Variants in SETBP1 observed in about 807,000 individuals in gnomAD.
SETBP1 encodes SET binding protein 1, also known as SET-binding protein.
A neutral mutation model predicts 101.0 loss-of-function variants in SETBP1; 9 were observed. The ratio of observed to expected loss-of-function variants is 0.09; its 90% CI spans 0.05 to 0.16. SETBP1 has a LOEUF of 0.16. Ranked by LOEUF, SETBP1 falls within the 10% of genes least tolerant of loss-of-function variation. The pLI is 1.00. For synonymous variants in SETBP1, 818 were observed against 788.5 expected, an observed-to-expected ratio of 1.04 and a Z score of -0.63; for missense variants, 1,858 against 2,033.8, an observed-to-expected ratio of 0.91 and a Z score of 1.66.
At chr18:44,761,886 G>A (rs1158135581) in intron 2 of SETBP1, among the ~76,000 whole-genome samples, 2 of 152,126 alleles carry the variant, frequency 1.3e-5, no homozygotes, top group Non-Finnish European at 2.9e-5. Context: ...GTTTTTTGAT[G>A]TCCGAGCCAG....
intron 2 of SETBP1, among the ~76,000 whole-genome samples, chr18:44,725,113 C>T (rs1381229426): frequency 6.6e-6 from 1 of 152,124 alleles, no homozygotes; most frequent in Non-Finnish European, 1.5e-5. Context: ...GAGTTACCAT[C>T]AGATAAATGT....
chr18:44,958,492 T>C (rs2071541151), intron 4 of SETBP1, among the ~76,000 whole-genome samples: 1 of 152,168 alleles, frequency 6.6e-6, no homozygotes, highest in Non-Finnish European at 1.5e-5. Context: ...GGATTTGTAT[T>C]TAGACTCAGC....
At chr18:44,837,846 G>A (rs1471471293) in intron 2 of SETBP1, among the ~76,000 whole-genome samples, 1 of 152,184 alleles carries the variant, frequency 6.6e-6, no homozygotes, top group African/African-American at 2.4e-5. Context: ...TTGATTATCT[G>A]TCGTTTCAGA....
At chr18:44,917,831 G>A (rs1169093817) in intron 3 of SETBP1, among the ~76,000 whole-genome samples, 1 of 152,138 alleles carries the variant, frequency 6.6e-6, no homozygotes, top group African/African-American at 2.4e-5. Context: ...GCTTCAAGGG[G>A]ATGACTCTAC....
intron 1 of SETBP1, among the ~76,000 whole-genome samples, chr18:44,699,775 C>T (rs1018614006): frequency 2.6e-5 from 4 of 152,188 alleles, no homozygotes; most frequent in Non-Finnish European, 2.9e-5. Flanking sequence ...GAGCAGGGTC[C>T]GTGTTGGAGC....
intron 4 of SETBP1, among the ~76,000 whole-genome samples, chr18:44,991,966 G>A (rs140314926): frequency 1.2e-4 from 19 of 152,046 alleles, no homozygotes; most frequent in African/African-American, 4.3e-4. Context: ...ATTAAACCCG[G>A]TAATCAAAAG....
At chr18:44,869,557 G>A (rs1599252058) in intron 3 of SETBP1, 1 of 460,836 alleles carries the variant, frequency 2.2e-6, no homozygotes, top group African/African-American at 2.0e-5. Context: ...TTAAGTGTTG[G>A]GGATTCAGCT....
intron 4 of SETBP1, among the ~76,000 whole-genome samples, chr18:45,012,884 G>A (rs941700677): frequency 1.3e-5 from 2 of 152,156 alleles, no homozygotes; most frequent in Non-Finnish European, 2.9e-5. Context: ...GGAGAGGGAC[G>A]AGGGATGAAA....
chr18:44,753,443 G>A (rs2852778), intron 2 of SETBP1, among the ~76,000 whole-genome samples: 151,211 of 152,364 alleles, frequency 0.99, 75,046 homozygotes, highest in Middle Eastern at 1. Context: ...ACTTAATGTC[G>A]TAGAAATGCC....
At chr18:44,938,539 G>C (rs961451754) in intron 3 of SETBP1, among the ~76,000 whole-genome samples, 6 of 152,230 alleles carry the variant, frequency 3.9e-5, no homozygotes, top group African/African-American at 1.4e-4. Context: ...CCTCTTAATA[G>C]GGAATTACAC....
At chr18:44,864,927 C>A (rs1290631470) in intron 2 of SETBP1, among the ~76,000 whole-genome samples, 2 of 151,846 alleles carry the variant, frequency 1.3e-5, no homozygotes, top group Admixed American at 6.6e-5. Context: ...AGGGTTCAAG[C>A]AGGAGAGGCA....
At chr18:44,724,775 G>T (rs1014340818) in intron 2 of SETBP1, among the ~76,000 whole-genome samples, 4 of 152,300 alleles carry the variant, frequency 2.6e-5, no homozygotes, top group African/African-American at 9.6e-5. Flanking sequence ...GCTGAAGGCT[G>T]ACAGGCAGCA....
chr18:45,048,404 GTCAGGA>G (rs1300735991), intron 5 of SETBP1, among the ~76,000 whole-genome samples: 1 of 152,188 alleles, frequency 6.6e-6, no homozygotes, highest in Non-Finnish European at 1.5e-5. Flanking sequence ...GTTATCTCAT[GTCAGGA>G]TTTAATCATG....
At chr18:44,953,711 A>G (rs531500973) in intron 4 of SETBP1, among the ~76,000 whole-genome samples, 5 of 152,164 alleles carry the variant, frequency 3.3e-5, no homozygotes, top group Non-Finnish European at 5.9e-5. Flanking sequence ...TAGGAATACT[A>G]ATAAGATCCA....
intron 4 of SETBP1, among the ~76,000 whole-genome samples, chr18:45,032,760 G>A (rs1013432497): frequency 6.6e-5 from 10 of 152,080 alleles, no homozygotes; most frequent in Non-Finnish European, 1.5e-5. Context: ...TCTTTACTAA[G>A]CTCTGAGTCC....
At position 44,951,411 on chromosome 18, in the gene SETBP1, A is replaced by G; in HGVS notation, c.2071A>G (p.Lys691Glu). The change falls in exon 4 of 6, where the codon AAG (lysine) becomes GAG (glutamate). Residue 691 changes from lysine to glutamate, a missense_variant. This residue lies in a region of SETBP1 where 111 missense variants were observed against 119.3 expected (regional missense o/e 0.93). Coordinates refer to ENST00000649279, the MANE Select transcript of SETBP1 (RefSeq NM_015559.3). The surrounding 1 kb of genome is among the most constrained non-coding windows in gnomAD (Gnocchi z 7.8). ...ILSCSSSVAL[K>E]AKAPPETSPG... ...GTCCTGTTCCAGCAGCGTTGCTCTG[A>G]AGGCAAAAGCTCCCCCAGAGACCAG... 2 of 1,614,180 alleles carry G rather than the reference A, an allele frequency of 1.2e-6. No individual in the cohort carries two copies. Among genetic ancestry groups the G allele is most frequent in the Non-Finnish European group, 1.7e-6 (2 of 1,180,034 alleles).
At chr18:44,684,875 G>A (rs2068811969) in intron 1 of SETBP1, among the ~76,000 whole-genome samples, 1 of 152,088 alleles carries the variant, frequency 6.6e-6, no homozygotes, top group Non-Finnish European at 1.5e-5. Context: ...TTGAACTCCG[G>A]ACATCAGGTG....
chr18:44,939,134 A>C (rs1254114066), intron 3 of SETBP1, among the ~76,000 whole-genome samples: 1 of 152,146 alleles, frequency 6.6e-6, no homozygotes, highest in Non-Finnish European at 1.5e-5. Context: ...AAGTTCAAAG[A>C]GTATCAACAA....
At chr18:45,062,731 A>G (rs2073908811) in intron 5 of SETBP1, among the ~76,000 whole-genome samples, 1 of 152,202 alleles carries the variant, frequency 6.6e-6, no homozygotes, top group Admixed American at 6.5e-5. Context: ...GAAGATTTAT[A>G]TTGTGATTCT....
Sources: gnomAD v4.1 joint callset for allele counts (sites outside exome capture counted in the v4.1 genomes callset) on GRCh38, gnomAD v4.1.1 for gene constraint, gnomAD v4.1.1 regional missense constraint, Gnocchi (gnomAD v3.1) non-coding constraint, MANE v1.5 for transcripts, NCBI Gene and HGNC (gene_info 2026-07-23, HGNC 2026-07-21) for gene names.